Variants in CDH13 observed in about 807,000 individuals in gnomAD.
CDH13 encodes cadherin-13.
CDH13 carries 24 observed loss-of-function variants against 63.8 expected under a neutral mutation model. The ratio of observed to expected loss-of-function variants is 0.38; its 90% CI spans 0.27 to 0.53. The LOEUF (loss-of-function observed/expected upper bound fraction) is 0.53, where lower values mean the gene tolerates loss of function less well. Among genes scored for constraint, CDH13 ranks in the 20% least tolerant of loss-of-function variants. The pLI, the probability that CDH13 is intolerant of heterozygous loss-of-function variation, is 0.85. For missense variants in CDH13, 1,049 were observed against 903.1 expected, an observed-to-expected ratio of 1.16 and a Z score of -2.07; for synonymous variants, 503 against 355.3, an observed-to-expected ratio of 1.42 and a Z score of -4.67.
chr16:83,463,502 C>G (rs2073231637), intron 6 of CDH13, among the ~76,000 whole-genome samples: 1 of 152,146 alleles, frequency 6.6e-6, no homozygotes. Context: ...GAAGCTTTCA[C>G]ATGAAAGTGG....
intron 7 of CDH13, among the ~76,000 whole-genome samples, chr16:83,543,053 C>T (rs1015374113): frequency 6.6e-6 from 1 of 152,226 alleles, no homozygotes; most frequent in African/African-American, 2.4e-5. Context: ...TGCAAAAGTG[C>T]AAAGACAACA....
At chr16:82,939,428 A>C (rs2042764409) in intron 2 of CDH13, among the ~76,000 whole-genome samples, 1 of 150,476 alleles carries the variant, frequency 6.6e-6, no homozygotes, top group African/African-American at 2.4e-5. Context: ...AGCTCAAAAA[A>C]AATTAAATAA....
At chr16:82,689,829 C>T (rs1016956941) in intron 1 of CDH13, among the ~76,000 whole-genome samples, 4 of 151,488 alleles carry the variant, frequency 2.6e-5, no homozygotes, top group Non-Finnish European at 2.9e-5. Context: ...GCATTTCTGT[C>T]CCAGTAAGTT....
intron 1 of CDH13, among the ~76,000 whole-genome samples, chr16:82,803,909 G>T (rs957992890): frequency 6.6e-6 from 1 of 152,126 alleles, no homozygotes; most frequent in Non-Finnish European, 1.5e-5. Context: ...GTGCTTTTAG[G>T]TAACAAAACT....
At chr16:82,787,990 C>A (rs752224214) in intron 1 of CDH13, among the ~76,000 whole-genome samples, 1 of 152,100 alleles carries the variant, frequency 6.6e-6, no homozygotes, top group Admixed American at 6.5e-5. Flanking sequence ...TCCCTTCTGT[C>A]CTGAAGCATT....
At chr16:83,148,849 G>A (rs1025751695) in intron 4 of CDH13, among the ~76,000 whole-genome samples, 8 of 151,464 alleles carry the variant, frequency 5.3e-5, no homozygotes, top group South Asian at 2.1e-4. Flanking sequence ...TTTAAAGACC[G>A]CTTTCAGCTC....
chr16:83,758,774 T>A (rs1913718600), intron 11 of CDH13, among the ~76,000 whole-genome samples: 1 of 152,224 alleles, frequency 6.6e-6, no homozygotes, highest in African/African-American at 2.4e-5. Context: ...AGATACTGTT[T>A]GCAATATCAT....
intron 7 of CDH13, among the ~76,000 whole-genome samples, chr16:83,550,837 T>C (rs773635794): frequency 1.6e-4 from 25 of 152,132 alleles, no homozygotes; most frequent in Non-Finnish European, 2.4e-4. Context: ...ATTCTACTTT[T>C]TCACTGACAG....
At chr16:83,580,160 A>T (rs1038036044) in intron 7 of CDH13, among the ~76,000 whole-genome samples, 4 of 152,160 alleles carry the variant, frequency 2.6e-5, no homozygotes, top group Non-Finnish European at 5.9e-5. Context: ...TGGTAGCAAC[A>T]GGGAGTCATG....
chr16:83,623,452 G>A (rs1407869675), intron 8 of CDH13, among the ~76,000 whole-genome samples: 1 of 152,170 alleles, frequency 6.6e-6, no homozygotes, highest in East Asian at 1.9e-4. Flanking sequence ...GGGGCTCCTT[G>A]AGGGCAGACA....
intron 4 of CDH13, among the ~76,000 whole-genome samples, chr16:83,148,929 C>G (rs2036862635): frequency 6.6e-6 from 1 of 152,134 alleles, no homozygotes; most frequent in Non-Finnish European, 1.5e-5. Flanking sequence ...TCTTATTACA[C>G]TCATTATCTT....
At chr16:82,637,201 G>A (rs1908760142) in intron 1 of CDH13, among the ~76,000 whole-genome samples, 2 of 152,178 alleles carry the variant, frequency 1.3e-5, no homozygotes, top group Admixed American at 6.5e-5. Context: ...AGTTTGATGT[G>A]TGAGAAACAG....
At chr16:83,341,775 C>T (rs1402198899) in intron 5 of CDH13, among the ~76,000 whole-genome samples, 3 of 152,136 alleles carry the variant, frequency 2.0e-5, no homozygotes, top group African/African-American at 7.2e-5. Flanking sequence ...TTGACTTGAT[C>T]TTATACCATT....
At chr16:83,001,422 A>T (rs1912916766) in intron 2 of CDH13, among the ~76,000 whole-genome samples, 1 of 152,216 alleles carries the variant, frequency 6.6e-6, no homozygotes, top group African/African-American at 2.4e-5. Flanking sequence ...CAATAATGAT[A>T]ATGGATATTT....
At chr16:82,828,577 ACAC>A (rs1190368367) in intron 1 of CDH13, among the ~76,000 whole-genome samples, 2 of 152,080 alleles carry the variant, frequency 1.3e-5, no homozygotes, top group Admixed American at 1.3e-4. Flanking sequence ...CAGTGAGATC[ACAC>A]CACTGCACTC....
intron 2 of CDH13, among the ~76,000 whole-genome samples, chr16:82,983,203 C>G (rs1303117438): frequency 1.3e-5 from 2 of 152,190 alleles, no homozygotes. Context: ...CTTGCAGGAC[C>G]TTTCTTAGAC....
chr16:83,465,689 T>G (rs761013160), intron 6 of CDH13, among the ~76,000 whole-genome samples: 1 of 152,166 alleles, frequency 6.6e-6, no homozygotes, highest in Non-Finnish European at 1.5e-5. Context: ...TCAGAGACAA[T>G]TGATGGTCTG....
At chr16:83,662,144 G>A (rs1472028852) in intron 8 of CDH13, among the ~76,000 whole-genome samples, 1 of 152,158 alleles carries the variant, frequency 6.6e-6, no homozygotes, top group Non-Finnish European at 1.5e-5. Flanking sequence ...TCTTCACTCA[G>A]GACGTTTCTT....
rs1231416836 is a variant in CDH13, at chr16:83,783,246, CT to C, written c.1916-5del. On this transcript the variant is annotated splice_polypyrimidine_tract_variant and splice_region_variant and intron_variant, in intron 12 of 13. Transcript: ENST00000567109. Reference sequence around the variant, plus strand: ...CCACTCTCACCAGAACCCTCCTTGCCTTTACAGATACACACGCCCTGGTAAG... The same window carrying C: ...CCACTCTCACCAGAACCCTCCTTGCCTTACAGATACACACGCCCTGGTAAG... 2 of 1,607,854 alleles carry C rather than the reference CT, an allele frequency of 1.2e-6. No homozygotes were observed. Among genetic ancestry groups the C allele is most frequent in the African/African-American group, 2.7e-5 (2 of 74,838 alleles).
Sources: allele counts gnomAD v4.1 joint callset (sites outside exome capture counted in the v4.1 genomes callset), GRCh38; gene constraint gnomAD v4.1.1; transcripts MANE v1.5; gene names NCBI Gene and HGNC (gene_info 2026-07-23, HGNC 2026-07-21).